Variants in TMEM144 observed in about 807,000 individuals in gnomAD.
The protein encoded by TMEM144 is transmembrane protein 144.
Under a neutral mutation model 43.6 loss-of-function variants are expected in TMEM144, and 39 were observed. That is an observed-to-expected ratio of 0.90 (90% CI 0.69 to 1.17). The LOEUF (loss-of-function observed/expected upper bound fraction) is 1.17. Ranked by LOEUF, TMEM144 falls within the 50% of genes most tolerant of loss-of-function variation. The pLI is 0.00. For synonymous variants in TMEM144, 154 were observed against 133.6 expected (o/e 1.15, Z -1.06); for missense variants, 417 against 411.9 (o/e 1.01, Z -0.11).
chr4:158,233,091 G>T, intron 7 of TMEM144, 109 bp downstream of exon 7: 1 of 765,790 alleles, frequency 1.3e-6, no homozygotes, highest in African/African-American at 1.8e-5. Flanking sequence ...CATCACTCCT[G>T]GCTATGTAAA....
intron 12 of TMEM144, among the ~76,000 whole-genome samples, chr4:158,247,259 A>G (rs1579154056): frequency 6.6e-6 from 1 of 152,034 alleles, no homozygotes; most frequent in Non-Finnish European, 1.5e-5. Context: ...TAGCAATTAT[A>G]TACCTGAGTT....
chr4:158,221,655 C>A (rs1031447102), intron 6 of TMEM144, among the ~76,000 whole-genome samples: 4 of 152,198 alleles, frequency 2.6e-5, no homozygotes, highest in Non-Finnish European at 5.9e-5. Context: ...TTTGTCTTCT[C>A]ATTTAACATG....
chr4:158,239,057 G>C (rs1735498017), intron 9 of TMEM144, among the ~76,000 whole-genome samples: 1 of 152,188 alleles, frequency 6.6e-6, no homozygotes, highest in African/African-American at 2.4e-5. Context: ...TTTTACGATT[G>C]AGAAAATTAA....
intron 2 of TMEM144, among the ~76,000 whole-genome samples, 154 bp from the exon 3 acceptor site, chr4:158,212,454 A>G (rs1734004983): frequency 6.6e-6 from 1 of 152,252 alleles, no homozygotes; most frequent in South Asian, 2.1e-4. Context: ...GAATAAATTA[A>G]CATGAAGTAC....
intron 6 of TMEM144, among the ~76,000 whole-genome samples, chr4:158,227,119 T>A (rs1734811414): frequency 6.9e-6 from 1 of 145,300 alleles, no homozygotes; most frequent in Non-Finnish European, 1.5e-5. Context: ...AGAATTGGTA[T>A]AGATGGCTTT....
At chr4:158,221,384 G>A (rs531134232) in intron 6 of TMEM144, among the ~76,000 whole-genome samples, 17 of 152,250 alleles carry the variant, frequency 1.1e-4, no homozygotes, top group Admixed American at 9.8e-4. Flanking sequence ...CTCAAATGAT[G>A]CAAGTGCCTC....
At chr4:158,240,516 G>C in intron 10 of TMEM144, 98 bp downstream of exon 10, 2 of 1,298,966 alleles carry the variant, frequency 1.5e-6, no homozygotes, top group East Asian at 4.7e-5. Flanking sequence ...GCCATCCTCT[G>C]TGTGTATATG....
intron 5 of TMEM144, 141 bp downstream of exon 5, chr4:158,217,561 C>A: frequency 5.2e-6 from 3 of 580,674 alleles, no homozygotes; most frequent in East Asian, 5.7e-5. Context: ...ATATATGCCA[C>A]CTTCTATTGC....
chr4:158,247,689 C>A (rs775340326), intron 12 of TMEM144, among the ~76,000 whole-genome samples: 8 of 151,862 alleles, frequency 5.3e-5, no homozygotes, highest in African/African-American at 1.5e-4. Flanking sequence ...AAGTAATGTG[C>A]CAGGTTTTTA....
At chr4:158,225,463 C>A (rs1734718082) in intron 6 of TMEM144, among the ~76,000 whole-genome samples, 1 of 152,174 alleles carries the variant, frequency 6.6e-6, no homozygotes, top group African/African-American at 2.4e-5. Context: ...TGACTTAAAT[C>A]CTGTAGCTAT....
At chr4:158,224,090 T>A (rs916924886) in intron 6 of TMEM144, among the ~76,000 whole-genome samples, 3 of 152,336 alleles carry the variant, frequency 2.0e-5, no homozygotes, top group African/African-American at 4.8e-5. Flanking sequence ...CTCTTTTTTT[T>A]AATAATCGCC....
intron 12 of TMEM144, among the ~76,000 whole-genome samples, chr4:158,247,148 C>T (rs561825222): frequency 1.5e-4 from 23 of 151,900 alleles, no homozygotes. Context: ...TTTACTCTAC[C>T]ATATCAAATA....
Position 158,241,638 on chromosome 4 carries a change from A to G in TMEM144, c.900+32A>G, listed in dbSNP as rs541085895. ...AGCTGAACTGGTTTTCCTAATTTTCATTTTATAAATGTAAACCCAATTTTT... is the reference window on the plus strand; with the variant it reads ...AGCTGAACTGGTTTTCCTAATTTTCGTTTTATAAATGTAAACCCAATTTTT... On this transcript the variant is annotated intron_variant, in intron 11 of 12. Transcript: ENST00000296529. 4.2e-5 allele frequency: 67 copies of G among 1,594,382 alleles called. No homozygotes were observed. In the South Asian group the frequency reaches 6.2e-4, roughly 15 times the overall value.
chr4:158,251,130 A>C (rs538811541), intron 12 of TMEM144, among the ~76,000 whole-genome samples: 1 of 152,212 alleles, frequency 6.6e-6, no homozygotes, highest in African/African-American at 2.4e-5. Flanking sequence ...AGGATCTAAT[A>C]GTATTATTAA....
chr4:158,237,514 T>C lies in TMEM144; in HGVS notation c.564-11T>C, dbSNP rs1579135633. The C allele has an allele frequency of 6.3e-7, 1 of 1,591,236 alleles. No individual in the cohort carries two copies. The highest frequency in any genetic ancestry group is 2.2e-5 in the East Asian group (1 of 44,708). ...GAGCCAAGATTAATAGTGATTTATT[T>C]GTTTTGTAAGGGGCTGCAGTCTTGC... On this transcript the variant is annotated splice_polypyrimidine_tract_variant and intron_variant, in intron 8 of 12. Coordinates refer to ENST00000296529, the MANE Select transcript of TMEM144 (RefSeq NM_018342.5).
At chr4:158,247,112 C>A (rs1481306062) in intron 12 of TMEM144, among the ~76,000 whole-genome samples, 4 of 151,804 alleles carry the variant, frequency 2.6e-5, no homozygotes, top group African/African-American at 9.7e-5. Context: ...AAGGATCGTT[C>A]ATAATACATA....
intron 9 of TMEM144, among the ~76,000 whole-genome samples, chr4:158,238,602 G>A (rs1324357211): frequency 6.6e-6 from 1 of 152,080 alleles, no homozygotes; most frequent in African/African-American, 2.4e-5. Context: ...ACTAAAGAAA[G>A]AAAAACAAGA....
intron 9 of TMEM144, 112 bp from the exon 10 acceptor site, chr4:158,240,187 A>G (rs1735559442): frequency 4.6e-6 from 6 of 1,311,444 alleles, no homozygotes; most frequent in African/African-American, 3.0e-5. Flanking sequence ...GCTCTGCCTA[A>G]TTAATGGTTT....
chr4:158,236,914 C>T (rs558303956), intron 8 of TMEM144, among the ~76,000 whole-genome samples: 7 of 152,094 alleles, frequency 4.6e-5, no homozygotes, highest in South Asian at 2.1e-4. Context: ...CTGGGGAGTC[C>T]GCCTGACTCC....
Sources: allele counts gnomAD v4.1 joint callset (sites outside exome capture counted in the v4.1 genomes callset), GRCh38; gene constraint gnomAD v4.1.1; transcripts MANE v1.5; gene names NCBI Gene and HGNC (gene_info 2026-07-23, HGNC 2026-07-21).